FGD3: variants seen among roughly 807,000 people sequenced by gnomAD.
FGD3 encodes the protein FYVE, RhoGEF and PH domain containing 3.
Under a neutral mutation model 71.8 loss-of-function variants are expected in FGD3, and 45 were observed. The observed-to-expected ratio is 0.63, with a 90% CI of 0.49 to 0.80. The LOEUF is 0.80. FGD3 is among the 30% of genes least tolerant of loss of function. The pLI, the probability that FGD3 is intolerant of heterozygous loss-of-function variation, is 0.00. For missense variants in FGD3, 844 were observed against 951.5 expected, an observed-to-expected ratio of 0.89 and a Z score of 1.49; for synonymous variants, 378 against 392.8, an observed-to-expected ratio of 0.96 and a Z score of 0.44.
intron 1 of FGD3, among the ~76,000 whole-genome samples, chr9:92,960,205 T>A (rs1859144492): frequency 1.3e-5 from 2 of 152,046 alleles, no homozygotes; most frequent in South Asian, 4.1e-4. Context: ...CATGTCTCCA[T>A]GACCTCCACT....
At chr9:92,983,283 G>A (rs1860063756) in intron 3 of FGD3, among the ~76,000 whole-genome samples, 1 of 152,064 alleles carries the variant, frequency 6.6e-6, no homozygotes. Context: ...AGCACTTTGG[G>A]AGGCTGAGGC....
chr9:92,952,674 C>T (rs1489617404), intron 1 of FGD3, among the ~76,000 whole-genome samples: 1 of 151,954 alleles, frequency 6.6e-6, no homozygotes, highest in Non-Finnish European at 1.5e-5. Flanking sequence ...TTCTCCTTCT[C>T]TTCCTTCCTC....
In FGD3 at chr9:92,976,726, C is replaced by G. The variant is rs780727440; in HGVS notation, c.453+17C>G. 1.9e-6 allele frequency: 3 copies of G among 1,544,522 alleles called. No homozygotes were observed. The highest frequency in any genetic ancestry group is 2.6e-6 in the Non-Finnish European group (3 of 1,145,470). On this transcript the variant is annotated intron_variant, in intron 3 of 17. Transcript: ENST00000375482. ...CTGGCCCAGGTAGGCTTCCCCTTCT[C>G]TGTCCCCGCTGCGGGCTGCAGGCCT...
intron 3 of FGD3, among the ~76,000 whole-genome samples, chr9:92,991,471 C>A (rs1860407418): frequency 6.6e-6 from 1 of 152,046 alleles, no homozygotes; most frequent in Non-Finnish European, 1.5e-5. Context: ...TTGAATGTTT[C>A]TCTTGTTGTT....
intron 1 of FGD3, among the ~76,000 whole-genome samples, chr9:92,948,132 G>T (rs1289720201): frequency 6.6e-6 from 1 of 151,668 alleles, no homozygotes; most frequent in Non-Finnish European, 1.5e-5. Context: ...TTTTCAAATG[G>T]ATGGGAAAGG....
intron 1 of FGD3, among the ~76,000 whole-genome samples, chr9:92,950,245 G>A (rs1180011326): frequency 4.6e-5 from 7 of 151,980 alleles, no homozygotes; most frequent in South Asian, 4.2e-4. Context: ...GTGAAAACCC[G>A]CCTCTACTAA....
intron 2 of FGD3, among the ~76,000 whole-genome samples, 186 bp downstream of exon 2, chr9:92,975,591 G>A (rs956014153): frequency 3.9e-5 from 6 of 152,212 alleles, no homozygotes; most frequent in Non-Finnish European, 8.8e-5. Flanking sequence ...GTCCATGAGA[G>A]GCATGGTGGG....
chr9:93,032,077 C>T (rs1403291854), intron 15 of FGD3, among the ~76,000 whole-genome samples: 1 of 152,324 alleles, frequency 6.6e-6, no homozygotes. Flanking sequence ...ACAGACAGAC[C>T]ATGACAACTT....
rs869235976 is a variant in FGD3 at position 93,028,995 on chromosome 9, G to GTTTTTTTTTTT, written c.1558-847_1558-837dup. 1.5e-4 allele frequency among the ~76,000 whole-genome samples: 8 copies of GTTTTTTTTTTT among 51,754 alleles called. 1 individual carries two copies. The highest frequency in any genetic ancestry group is 2.9e-4 in the Non-Finnish European group (8 of 27,378). The allele number at this position is 51,754 out of a possible 152,430, so 34.0% of individuals were successfully genotyped here. ...CATGGCTTCCTCACATGTCCTCACA[G>GTTTTTTTTTTT]TTTTTTTTTTTTTTTTTTTTTTTTT... On this transcript the variant is annotated intron_variant, in intron 14 of 17. Coordinates refer to ENST00000375482, the MANE Select transcript of FGD3 (RefSeq NM_001083536.2).
At chr9:93,010,833 A>C (rs1012849176) in intron 7 of FGD3, among the ~76,000 whole-genome samples, 1 of 152,104 alleles carries the variant, frequency 6.6e-6, no homozygotes, top group Non-Finnish European at 1.5e-5. Flanking sequence ...ATGCGGGTGG[A>C]CATTGGTCTG....
chr9:93,001,150 T>C (rs1860842636), intron 3 of FGD3, among the ~76,000 whole-genome samples: 1 of 152,168 alleles, frequency 6.6e-6, no homozygotes, highest in Admixed American at 6.5e-5. Context: ...ATAGTTTCTA[T>C]CTCTTTGTTG....
chr9:93,020,681 C>A (rs1035362005), intron 13 of FGD3: 2 of 444,918 alleles, frequency 4.5e-6, no homozygotes, highest in Non-Finnish European at 8.3e-6. Context: ...AGAATAGGTC[C>A]AGAGAGCCTC....
At chr9:93,023,408 G>T (rs1862001066) in intron 14 of FGD3, among the ~76,000 whole-genome samples, 1 of 152,176 alleles carries the variant, frequency 6.6e-6, no homozygotes, top group Non-Finnish European at 1.5e-5. Context: ...AGGCGTGGGG[G>T]GCTTGCACAT....
At chr9:92,957,170 A>G (rs1406869503) in intron 1 of FGD3, among the ~76,000 whole-genome samples, 1 of 152,230 alleles carries the variant, frequency 6.6e-6, no homozygotes, top group Non-Finnish European at 1.5e-5. Context: ...ATTTGTGTAC[A>G]GGTCTTTGTG....
In FGD3 at chr9:93,032,936, C is replaced by A. The variant is rs756975581; in HGVS notation, c.1785+63C>A. 17 of 1,452,544 alleles carry A rather than the reference C, an allele frequency of 1.2e-5. No individual in the cohort carries two copies. In the African/African-American group the frequency reaches 2.1e-4, roughly 18 times the overall value. The allele number at this position is 1,452,544 out of a possible 1,614,324, so 90.0% of individuals were successfully genotyped here. ...CGGCAGAGCCTCCAGACACCTGCTCCTGTGCCCCAGCAGCTCCAGCTGCCT... is the reference window on the plus strand; with the variant it reads ...CGGCAGAGCCTCCAGACACCTGCTCATGTGCCCCAGCAGCTCCAGCTGCCT... On this transcript the variant is annotated intron_variant, in intron 16 of 17. Coordinates refer to ENST00000375482, the MANE Select transcript of FGD3 (RefSeq NM_001083536.2).
intron 14 of FGD3, among the ~76,000 whole-genome samples, chr9:93,023,428 C>T (rs1010348127): frequency 1.3e-5 from 2 of 152,206 alleles, no homozygotes; most frequent in Admixed American, 6.5e-5. Flanking sequence ...TACATCCCAA[C>T]GGGCAAGAGG....
chr9:92,975,645 T>G (rs1036791036), intron 2 of FGD3, among the ~76,000 whole-genome samples: 1 of 152,110 alleles, frequency 6.6e-6, no homozygotes. Flanking sequence ...GGAGGAGTTT[T>G]GGGGCAAAGA....
chr9:93,005,315 G>A (rs920959808), intron 5 of FGD3, among the ~76,000 whole-genome samples: 1 of 151,982 alleles, frequency 6.6e-6, no homozygotes, highest in Non-Finnish European at 1.5e-5. Context: ...TTTAAGTAGA[G>A]ACGGGGTTTC....
At chr9:92,964,837 G>A (rs960095464) in intron 1 of FGD3, among the ~76,000 whole-genome samples, 4 of 152,300 alleles carry the variant, frequency 2.6e-5, no homozygotes, top group African/African-American at 7.2e-5. Context: ...GGGGGGTAGC[G>A]CGAGCCTTCC....
Sources: allele counts gnomAD v4.1 joint callset (sites outside exome capture counted in the v4.1 genomes callset), GRCh38; gene constraint gnomAD v4.1.1; transcripts MANE v1.5; gene names NCBI Gene and HGNC (gene_info 2026-07-23, HGNC 2026-07-21).